The following PDE1C variants were observed in gnomAD, a reference collection of about 807,000 sequenced individuals.
PDE1C encodes the protein phosphodiesterase 1C.
In PDE1C, 62 loss-of-function variants were observed where a neutral mutation model predicts 93.1. The ratio of observed to expected loss-of-function variants is 0.67; its 90% CI spans 0.54 to 0.82. The LOEUF is 0.82. PDE1C is among the 40% of genes least tolerant of loss of function. The pLI is 0.00. For synonymous variants in PDE1C, 325 were observed against 310.1 expected (o/e 1.05, Z -0.50); for missense variants, 742 against 884.6 (o/e 0.84, Z 2.04).
At chr7:31,656,055 C>G in the PDE1C span, 1 of 968,434 alleles carries the variant, frequency 1.0e-6, no homozygotes, top group Non-Finnish European at 1.2e-6. Context: ...AGGGCAGACC[C>G]CATCTCCTAC....
At chr7:32,170,444 G>A (rs1353590129) in intron 2 of PDE1C, among the ~76,000 whole-genome samples, 1 of 152,100 alleles carries the variant, frequency 6.6e-6, no homozygotes, top group Non-Finnish European at 1.5e-5. Context: ...TGTAGTTTAT[G>A]CATGTAAAAC....
chr7:31,676,753 AC>A, the PDE1C span, among the ~76,000 whole-genome samples: 3 of 152,196 alleles, frequency 2.0e-5, no homozygotes, highest in African/African-American at 4.8e-5. Context: ...GTAGATAAAC[AC>A]AAAAATTGTT....
chr7:31,783,571 C>T (rs1273904056), intron 16 of PDE1C: 1 of 151,796 alleles, frequency 6.6e-6, no homozygotes, highest in Non-Finnish European at 1.5e-5. Context: ...GAAGAACATA[C>T]AAGTACTTAT....
At chr7:32,177,328 AAT>A (rs1271516106) in intron 2 of PDE1C, among the ~76,000 whole-genome samples, 14 of 152,164 alleles carry the variant, frequency 9.2e-5, no homozygotes, top group Non-Finnish European at 2.1e-4. Flanking sequence ...ACACAGGTGC[AAT>A]GTCAAGTCGT....
chr7:32,297,967 C>A (rs1812689996), intron 1 of PDE1C, among the ~76,000 whole-genome samples: 1 of 62,470 alleles, frequency 1.6e-5, no homozygotes, highest in Non-Finnish European at 3.4e-5. Context: ...CTCTCTCTCT[C>A]TCTCTCTCTC....
At chr7:31,851,595 C>G (rs1793353367) in intron 7 of PDE1C, among the ~76,000 whole-genome samples, 1 of 152,242 alleles carries the variant, frequency 6.6e-6, no homozygotes, top group African/African-American at 2.4e-5. Flanking sequence ...ATGCCTGACT[C>G]AGGCCACCTT....
chr7:31,843,327 T>C (rs995346995), intron 9 of PDE1C, among the ~76,000 whole-genome samples: 3 of 151,908 alleles, frequency 2.0e-5, no homozygotes, highest in African/African-American at 7.2e-5. Flanking sequence ...TGAAAATATA[T>C]ATTTCTCCTT....
At chr7:31,647,877 T>C in the PDE1C span, among the ~76,000 whole-genome samples, 1 of 152,098 alleles carries the variant, frequency 6.6e-6, no homozygotes, top group Non-Finnish European at 1.5e-5. Context: ...TAAATGCCAT[T>C]TTTGTGGCCT....
intron 2 of PDE1C, among the ~76,000 whole-genome samples, chr7:32,032,623 T>C (rs1454457167): frequency 6.6e-6 from 1 of 152,182 alleles, no homozygotes; most frequent in African/African-American, 2.4e-5. Context: ...TTCCTGCTTC[T>C]ATTATTATAG....
chr7:31,911,844 T>A (rs941199053), intron 2 of PDE1C, among the ~76,000 whole-genome samples: 4 of 152,156 alleles, frequency 2.6e-5, no homozygotes, highest in African/African-American at 9.7e-5. Flanking sequence ...AACCAGCCAC[T>A]GAGATTCCTT....
chr7:32,406,233 T>C (rs1042935237), intron 1 of PDE1C, among the ~76,000 whole-genome samples: 2 of 152,158 alleles, frequency 1.3e-5, no homozygotes, highest in African/African-American at 4.8e-5. Flanking sequence ...CCACACTTCT[T>C]AAGCTCTACA....
chr7:32,249,354 A>G (rs1809195540), intron 1 of PDE1C, among the ~76,000 whole-genome samples: 1 of 151,924 alleles, frequency 6.6e-6, no homozygotes, highest in Non-Finnish European at 1.5e-5. Flanking sequence ...AAGCAGAAGC[A>G]TGCATCTAAC....
At chr7:31,931,223 G>A (rs77540157) in intron 2 of PDE1C, among the ~76,000 whole-genome samples, 1 of 152,152 alleles carries the variant, frequency 6.6e-6, no homozygotes, top group Non-Finnish European at 1.5e-5. Flanking sequence ...ACATAGTATT[G>A]GAAGGTCTGG....
intron 2 of PDE1C, among the ~76,000 whole-genome samples, chr7:31,952,547 G>A (rs1807527767): frequency 6.6e-6 from 1 of 152,176 alleles, no homozygotes; most frequent in Non-Finnish European, 1.5e-5. Context: ...ACTGCACCCA[G>A]TGAGAGTTAC....
chr7:31,742,216 G>A, the PDE1C span, among the ~76,000 whole-genome samples: 1 of 152,176 alleles, frequency 6.6e-6, no homozygotes, highest in Non-Finnish European at 1.5e-5. Flanking sequence ...ACGTCCCATC[G>A]GACTTCCACT....
At chr7:31,861,147 G>A (rs565382902) in intron 7 of PDE1C, among the ~76,000 whole-genome samples, 30 of 151,926 alleles carry the variant, frequency 2.0e-4, no homozygotes, top group African/African-American at 6.0e-4. Context: ...CTTGACCATC[G>A]GCATGTCCCA....
intron 16 of PDE1C, among the ~76,000 whole-genome samples, chr7:31,803,492 G>A (rs569456802): frequency 9.0e-4 from 136 of 151,894 alleles, no homozygotes; most frequent in African/African-American, 3.2e-3. Context: ...CCATGTTGGT[G>A]TGCTGCACCC....
chr7:31,779,565 T>G (rs1159708763), intron 16 of PDE1C, among the ~76,000 whole-genome samples: 2 of 152,188 alleles, frequency 1.3e-5, no homozygotes, highest in Non-Finnish European at 2.9e-5. Context: ...TGCTGTTATT[T>G]TCTCTGTTAG....
At chr7:31,755,435 C>T (rs1794396805) in intron 17 of PDE1C, among the ~76,000 whole-genome samples, 1 of 152,108 alleles carries the variant, frequency 6.6e-6, no homozygotes. Flanking sequence ...ATCTACTGCC[C>T]TGATCTTGGT....
Sources: allele counts gnomAD v4.1 joint callset (sites outside exome capture counted in the v4.1 genomes callset), GRCh38; gene constraint gnomAD v4.1.1; transcripts MANE v1.5; gene names NCBI Gene and HGNC (gene_info 2026-07-23, HGNC 2026-07-21).